Variants in SMG6 observed in about 807,000 individuals in gnomAD.
SMG6 encodes telomerase-binding protein EST1A.
Under a neutral mutation model 142.2 loss-of-function variants are expected in SMG6, and 66 were observed. That is an observed-to-expected ratio of 0.46 (90% CI 0.38 to 0.57). SMG6 has a LOEUF of 0.57. Among genes scored for constraint, SMG6 ranks in the 20% least tolerant of loss-of-function variants. The pLI, the probability that SMG6 is intolerant of heterozygous loss-of-function variation, is 0.00. For missense variants in SMG6, 1,793 were observed against 1,832.0 expected, an observed-to-expected ratio of 0.98 and a Z score of 0.39; for synonymous variants, 779 against 702.4, an observed-to-expected ratio of 1.11 and a Z score of -1.72.
intron 10 of SMG6, among the ~76,000 whole-genome samples, chr17:2,223,942 G>C (rs1038546184): frequency 2.6e-5 from 4 of 152,016 alleles, no homozygotes; most frequent in Admixed American, 6.6e-5. Context: ...GAAAAGAAAA[G>C]AAAGAAAGTC....
chr17:2,065,328 G>A, intron 17 of SMG6, 140 bp downstream of exon 17: 2 of 971,396 alleles, frequency 2.1e-6, no homozygotes, highest in Non-Finnish European at 3.1e-6. Context: ...ACTTAGGGGA[G>A]AAGGAACTCC....
chr17:2,255,589 C>G (rs1203644294), intron 8 of SMG6: 2 of 156,190 alleles, frequency 1.3e-5, no homozygotes, highest in Non-Finnish European at 2.8e-5. Flanking sequence ...CCCGGCCAGC[C>G]GCCCCGTCCG....
chr17:2,119,105 T>C (rs937169729), intron 13 of SMG6, among the ~76,000 whole-genome samples: 1 of 151,260 alleles, frequency 6.6e-6, no homozygotes, highest in African/African-American at 2.4e-5. Context: ...TCGCCCAGGC[T>C]GGAGTGCAGT....
chr17:2,101,987 C>T (rs2069020645), intron 13 of SMG6, among the ~76,000 whole-genome samples: 1 of 152,134 alleles, frequency 6.6e-6, no homozygotes, highest in Admixed American at 6.5e-5. Context: ...GGCAGCCTCT[C>T]AGAGCTGATT....
intron 13 of SMG6, among the ~76,000 whole-genome samples, chr17:2,159,987 C>T (rs888421959): frequency 1.3e-5 from 2 of 152,078 alleles, no homozygotes; most frequent in Non-Finnish European, 2.9e-5. Context: ...ATAATTAGAT[C>T]AGTAGCTGCC....
intron 13 of SMG6, among the ~76,000 whole-genome samples, chr17:2,152,815 T>C (rs1329556123): frequency 1.3e-5 from 2 of 152,148 alleles, no homozygotes; most frequent in Non-Finnish European, 1.5e-5. Flanking sequence ...GTTCCACTCC[T>C]AAGTATTTAT....
chr17:2,190,470 G>A (rs2072125576), intron 10 of SMG6, among the ~76,000 whole-genome samples: 2 of 152,202 alleles, frequency 1.3e-5, no homozygotes, highest in African/African-American at 4.8e-5. Context: ...AGACAGGGGA[G>A]GTTTCTTTCA....
intron 13 of SMG6, among the ~76,000 whole-genome samples, chr17:2,133,231 G>A (rs1012778430): frequency 1.3e-5 from 2 of 152,084 alleles, no homozygotes; most frequent in African/African-American, 2.4e-5. Flanking sequence ...GTGACAGAAC[G>A]AGACTCCATC....
chr17:2,295,186 T>C (rs893946738), intron 4 of SMG6, among the ~76,000 whole-genome samples: 8 of 152,100 alleles, frequency 5.3e-5, no homozygotes, highest in African/African-American at 1.4e-4. Flanking sequence ...CAAAAACATC[T>C]GTCCATCAGT....
At chr17:2,081,745 A>T in intron 15 of SMG6, 65 bp downstream of exon 15, 1 of 1,580,812 alleles carries the variant, frequency 6.3e-7, no homozygotes. Context: ...CTCTCTGCCC[A>T]CATCCTCTCA....
intron 13 of SMG6, among the ~76,000 whole-genome samples, chr17:2,134,419 C>CAAAAAAAAAAA (rs58429166): frequency 1.0e-4 from 3 of 28,726 alleles, no homozygotes; most frequent in African/African-American, 1.7e-4. Context: ...GACTCCATCT[C>CAAAAAAAAAAA]AAAAAAAAAA....
At chr17:2,107,591 A>AG (rs1333486199) in intron 13 of SMG6, among the ~76,000 whole-genome samples, 1 of 152,300 alleles carries the variant, frequency 6.6e-6, no homozygotes, top group African/African-American at 2.4e-5. Context: ...CTCCATAGGA[A>AG]GGGCAGTCTT....
intron 13 of SMG6, among the ~76,000 whole-genome samples, chr17:2,162,357 A>G (rs1051120121): frequency 6.6e-6 from 1 of 151,440 alleles, no homozygotes; most frequent in Non-Finnish European, 1.5e-5. Flanking sequence ...CTAAAAATAT[A>G]AAAAAAATTA....
At chr17:2,096,471 A>C (rs1237380756) in intron 13 of SMG6, among the ~76,000 whole-genome samples, 6 of 152,110 alleles carry the variant, frequency 3.9e-5, no homozygotes, top group Admixed American at 3.9e-4. Flanking sequence ...GGCCTCCCAA[A>C]GTGCTGGGAT....
chr17:2,096,651 G>A (rs2068864384), intron 13 of SMG6, among the ~76,000 whole-genome samples: 1 of 152,124 alleles, frequency 6.6e-6, no homozygotes, highest in Non-Finnish European at 1.5e-5. Flanking sequence ...CAGCCTATAA[G>A]TCCTTCAAGA....
chr17:2,286,817 A>G (rs187668843), intron 6 of SMG6, among the ~76,000 whole-genome samples: 66 of 152,268 alleles, frequency 4.3e-4, no homozygotes, highest in African/African-American at 1.5e-3. Flanking sequence ...TGAAAAGACA[A>G]TCCACAAAAT....
intron 13 of SMG6, among the ~76,000 whole-genome samples, chr17:2,152,793 C>T (rs1472988659): frequency 1.3e-5 from 2 of 152,230 alleles, no homozygotes; most frequent in African/African-American, 4.8e-5. Flanking sequence ...ACTCTTATCA[C>T]ATAAACCACC....
At chr17:2,153,060 G>A (rs918447684) in intron 13 of SMG6, among the ~76,000 whole-genome samples, 2 of 152,212 alleles carry the variant, frequency 1.3e-5, no homozygotes, top group East Asian at 1.9e-4. Context: ...TACGCTATGC[G>A]AAAAGAAGCC....
At chr17:2,098,416 T>A (rs1343575778) in intron 13 of SMG6, among the ~76,000 whole-genome samples, 1 of 152,204 alleles carries the variant, frequency 6.6e-6, no homozygotes, top group Non-Finnish European at 1.5e-5. Flanking sequence ...CAAGGTCTTC[T>A]CCCCATGCCT....
Sources: allele counts gnomAD v4.1 joint callset (sites outside exome capture counted in the v4.1 genomes callset), GRCh38; gene constraint gnomAD v4.1.1; transcripts MANE v1.5; gene names NCBI Gene and HGNC (gene_info 2026-07-23, HGNC 2026-07-21).